Variants in GPHN observed in about 807,000 individuals in gnomAD.
GPHN encodes gephyrin.
Under a neutral mutation model 95.5 loss-of-function variants are expected in GPHN, and 17 were observed. The ratio of observed to expected loss-of-function variants is 0.18; its 90% CI spans 0.12 to 0.27. The LOEUF (loss-of-function observed/expected upper bound fraction) is 0.27, where lower values mean the gene tolerates loss of function less well. Ranked by LOEUF, GPHN falls within the 10% of genes least tolerant of loss-of-function variation. GPHN has a pLI of 1.00. For missense variants in GPHN, 660 were observed against 978.1 expected (o/e 0.67, Z 4.34); for synonymous variants, 320 against 322.5 (o/e 0.99, Z 0.08).
intron 9 of GPHN, among the ~76,000 whole-genome samples, chr14:67,001,016 G>T (rs1463641959): frequency 1.3e-5 from 2 of 151,490 alleles, no homozygotes; most frequent in Admixed American, 1.3e-4. Flanking sequence ...CAATATAAAA[G>T]AGGTCATCAG....
chr14:67,256,797 G>C, the GPHN span, among the ~76,000 whole-genome samples: 4 of 147,682 alleles, frequency 2.7e-5, no homozygotes, highest in South Asian at 2.1e-4. Flanking sequence ...AGAAACTATT[G>C]ACACACACAC....
chr14:66,546,827 C>T lies in GPHN; in HGVS notation c.64+38236C>T, dbSNP rs577423902. Among the ~76,000 whole-genome samples, 40 of 151,364 alleles carry T rather than the reference C, an allele frequency of 2.6e-4. No individual in the cohort carries two copies. The East Asian group carries it at 6.7e-3, about 25-fold the overall frequency. On this transcript the variant is annotated intron_variant, in intron 1 of 22. Coordinates refer to ENST00000478722, the MANE Select transcript of GPHN (RefSeq NM_020806.5). ...GGAGGGGGAGGGGGAGGGAGAGGGC[C>T]GCGTGTAACCTTTGTAACTTCACTT...
At chr14:67,509,858 A>G in the GPHN span, among the ~76,000 whole-genome samples, 28 of 152,240 alleles carry the variant, frequency 1.8e-4, no homozygotes, top group East Asian at 4.8e-3. Context: ...CCATATAAAC[A>G]ATTTTAAAAG....
the GPHN span, chr14:67,333,483 C>A: frequency 6.6e-6 from 1 of 152,550 alleles, no homozygotes; most frequent in Non-Finnish European, 1.5e-5. Context: ...AAATAAAAAA[C>A]AAAATGGTGC....
the GPHN span, among the ~76,000 whole-genome samples, chr14:67,549,155 A>G: frequency 6.6e-6 from 1 of 152,286 alleles, no homozygotes. Flanking sequence ...TCATCATGGA[A>G]TGGGTCTTAG....
the GPHN span, among the ~76,000 whole-genome samples, chr14:67,460,784 T>C: frequency 6.6e-6 from 1 of 152,208 alleles, no homozygotes; most frequent in African/African-American, 2.4e-5. Context: ...TAATGATGTG[T>C]TTGACTATGG....
the GPHN span, among the ~76,000 whole-genome samples, chr14:67,705,623 G>C: frequency 6.6e-6 from 1 of 152,204 alleles, no homozygotes; most frequent in African/African-American, 2.4e-5. Flanking sequence ...CATTAGTTTA[G>C]TTAGTGGTGT....
chr14:67,703,178 A>C, the GPHN span, among the ~76,000 whole-genome samples: 1 of 152,232 alleles, frequency 6.6e-6, no homozygotes, highest in Non-Finnish European at 1.5e-5. Flanking sequence ...TCACCAGTTT[A>C]TAAAAGATAG....
chr14:67,549,508 T>C, the GPHN span, among the ~76,000 whole-genome samples: 1 of 152,160 alleles, frequency 6.6e-6, no homozygotes, highest in African/African-American at 2.4e-5. Flanking sequence ...AGACCTCAAG[T>C]GATCCGCCTG....
chr14:66,642,187 A>G (rs1287960393), intron 1 of GPHN, among the ~76,000 whole-genome samples: 4 of 152,172 alleles, frequency 2.6e-5, no homozygotes, highest in Non-Finnish European at 5.9e-5. Context: ...TTGCAAATAC[A>G]GTTAAGGTTA....
At chr14:67,199,082 C>T in the GPHN span, 94 of 985,008 alleles carry the variant, frequency 9.5e-5, 2 homozygotes, top group East Asian at 1.9e-3. Flanking sequence ...GGCCGATCTC[C>T]GAGCGGAACC....
the GPHN span, among the ~76,000 whole-genome samples, chr14:67,381,889 A>G: frequency 6.6e-6 from 1 of 151,930 alleles, no homozygotes; most frequent in Non-Finnish European, 1.5e-5. Flanking sequence ...TTCTACTGTT[A>G]CTATCACAGT....
chr14:67,522,614 T>G, the GPHN span, among the ~76,000 whole-genome samples: 2 of 152,160 alleles, frequency 1.3e-5, no homozygotes, highest in Non-Finnish European at 1.5e-5. Context: ...TTGGCAACAT[T>G]AATAGGTTAA....
At chr14:67,366,205 C>T in the GPHN span, among the ~76,000 whole-genome samples, 21 of 152,082 alleles carry the variant, frequency 1.4e-4, no homozygotes, top group South Asian at 3.7e-3. Flanking sequence ...GCAGTCCTCC[C>T]AAGTAGCTGG....
intron 4 of GPHN, among the ~76,000 whole-genome samples, chr14:66,860,416 A>G (rs2062979956): frequency 1.3e-5 from 2 of 152,108 alleles, no homozygotes; most frequent in South Asian, 4.1e-4. Flanking sequence ...ACTCTCAGAC[A>G]AACAAAAGCT....
chr14:66,744,017 A>G (rs1377094869), intron 2 of GPHN, among the ~76,000 whole-genome samples: 1 of 152,148 alleles, frequency 6.6e-6, no homozygotes, highest in Admixed American at 6.5e-5. Context: ...CCTTTCTTCT[A>G]ATAGGCTCCA....
intron 16 of GPHN, among the ~76,000 whole-genome samples, chr14:67,122,021 G>T (rs1197216953): frequency 2.0e-5 from 3 of 152,138 alleles, no homozygotes; most frequent in Non-Finnish European, 4.4e-5. Flanking sequence ...TATTTTGCAT[G>T]CAGTTCAATC....
the GPHN span, among the ~76,000 whole-genome samples, chr14:67,525,089 T>C: frequency 1.3e-5 from 2 of 152,160 alleles, no homozygotes; most frequent in African/African-American, 4.8e-5. Context: ...ATTAGAAAAA[T>C]GATTCATACT....
At chr14:67,349,755 A>C in the GPHN span, among the ~76,000 whole-genome samples, 77 of 152,164 alleles carry the variant, frequency 5.1e-4, no homozygotes, top group Non-Finnish European at 1.0e-3. Flanking sequence ...ACCACCCTAA[A>C]ACACTCACAT....
Sources: allele counts gnomAD v4.1 joint callset (sites outside exome capture counted in the v4.1 genomes callset), GRCh38; gene constraint gnomAD v4.1.1; transcripts MANE v1.5; gene names NCBI Gene and HGNC (gene_info 2026-07-23, HGNC 2026-07-21).